Variants in WDR72 observed in about 807,000 individuals in gnomAD.
WDR72 encodes the protein WD repeat-containing protein 72.
In WDR72, 120 loss-of-function variants were observed where a neutral mutation model predicts 124.2. The ratio of observed to expected loss-of-function variants is 0.97; its 90% CI spans 0.83 to 1.12. The LOEUF is 1.12. WDR72 is among the 50% of genes most tolerant of loss of function. The pLI, the probability that WDR72 is intolerant of heterozygous loss-of-function variation, is 0.00. For synonymous variants in WDR72, 452 were observed against 441.7 expected, an observed-to-expected ratio of 1.02 and a Z score of -0.29; for missense variants, 1,387 against 1,278.8, an observed-to-expected ratio of 1.08 and a Z score of -1.29.
At chr15:53,669,278 A>C (rs1360537874) in intron 13 of WDR72, among the ~76,000 whole-genome samples, 5 of 151,982 alleles carry the variant, frequency 3.3e-5, no homozygotes, top group Non-Finnish European at 7.4e-5. Flanking sequence ...CCGCGAGGGA[A>C]TATTTCTGGA....
chr15:53,712,131 A>G (rs115549967), intron 7 of WDR72, among the ~76,000 whole-genome samples: 1 of 152,202 alleles, frequency 6.6e-6, no homozygotes. Flanking sequence ...TGAAATGTAA[A>G]CACCAAATTT....
intron 14 of WDR72, among the ~76,000 whole-genome samples, chr15:53,662,200 T>G (rs2015631581): frequency 6.6e-6 from 1 of 152,198 alleles, no homozygotes; most frequent in African/African-American, 2.4e-5. Flanking sequence ...TTCCCCATCA[T>G]GAATATGATA....
At position 53,682,404 on chromosome 15, in the gene WDR72, T is replaced by C. The variant is rs78049578; in HGVS notation, c.1766-16636A>G. On this transcript the variant is annotated intron_variant, in intron 13 of 19. Coordinates refer to ENST00000360509, the MANE Select transcript of WDR72 (RefSeq NM_182758.4). Reference sequence around the variant, plus strand: ...TGTCTCTACATTGAAATAAAATATATATATACAACGAGACTTACATGCCTC... The same window carrying C: ...TGTCTCTACATTGAAATAAAATATACATATACAACGAGACTTACATGCCTC... 5.5e-3 allele frequency among the ~76,000 whole-genome samples: 840 copies of C among 152,298 alleles called. 7 individuals carry two copies. The highest frequency in any genetic ancestry group is 9.1e-3 in the Non-Finnish European group (619 of 68,020).
chr15:53,590,110 T>G (rs1377956069), intron 18 of WDR72, among the ~76,000 whole-genome samples: 1 of 152,062 alleles, frequency 6.6e-6, no homozygotes, highest in African/African-American at 2.4e-5. Context: ...CAAATTTGTC[T>G]TTAACACATG....
At chr15:53,559,222 GTTT>G (rs1452990885) in intron 18 of WDR72, among the ~76,000 whole-genome samples, 12 of 151,590 alleles carry the variant, frequency 7.9e-5, no homozygotes, top group Non-Finnish European at 1.5e-5. Flanking sequence ...AGTAGCCTTG[GTTT>G]CTTTTAGCCA....
At chr15:53,707,912 G>T (rs1436891725) in intron 9 of WDR72, among the ~76,000 whole-genome samples, 2 of 152,166 alleles carry the variant, frequency 1.3e-5, no homozygotes, top group Non-Finnish European at 2.9e-5. Context: ...ATTCTGATTT[G>T]AAAAGGAAGC....
At chr15:53,586,861 T>C (rs535871698) in intron 18 of WDR72, among the ~76,000 whole-genome samples, 2 of 152,178 alleles carry the variant, frequency 1.3e-5, no homozygotes, top group East Asian at 1.9e-4. Context: ...AAGGAACTTC[T>C]TGAGTTAGTG....
chr15:53,543,282 AT>A, intron 18 of WDR72, among the ~76,000 whole-genome samples: 1 of 151,150 alleles, frequency 6.6e-6, no homozygotes, highest in South Asian at 2.1e-4. Flanking sequence ...AACAGAGATT[AT>A]AACAAACTAT....
chr15:53,578,268 T>C (rs1258822400), intron 18 of WDR72, among the ~76,000 whole-genome samples: 2 of 152,010 alleles, frequency 1.3e-5, no homozygotes, highest in Non-Finnish European at 2.9e-5. Context: ...GGGTGGTCAG[T>C]GGTGTGACAG....
At chr15:53,666,489 T>A (rs773886657) in intron 13 of WDR72, among the ~76,000 whole-genome samples, 4 of 152,158 alleles carry the variant, frequency 2.6e-5, no homozygotes, top group African/African-American at 4.8e-5. Context: ...TAAAATACAA[T>A]GCCATACACT....
chr15:53,598,106 C>T (rs2012863219), intron 17 of WDR72, among the ~76,000 whole-genome samples: 1 of 152,048 alleles, frequency 6.6e-6, no homozygotes, highest in Admixed American at 6.6e-5. Flanking sequence ...TTAGGTACAG[C>T]CCAAGGAAGG....
intron 14 of WDR72, among the ~76,000 whole-genome samples, chr15:53,663,123 T>C (rs2015662795): frequency 6.8e-6 from 1 of 146,746 alleles, no homozygotes; most frequent in Non-Finnish European, 1.5e-5. Flanking sequence ...AATAAAACAA[T>C]CTCAACAGCC....
At chr15:53,522,406 C>T (rs1218705847) in intron 19 of WDR72, among the ~76,000 whole-genome samples, 3 of 151,904 alleles carry the variant, frequency 2.0e-5, no homozygotes, top group African/African-American at 7.3e-5. Flanking sequence ...ACAGGAATCA[C>T]AAATATTAAG....
intron 14 of WDR72, among the ~76,000 whole-genome samples, chr15:53,641,018 C>T (rs2014829564): frequency 1.3e-5 from 2 of 150,794 alleles, no homozygotes; most frequent in African/African-American, 2.4e-5. Context: ...TCATTTTTTT[C>T]TGAAATTTTG....
Position 53,699,913 on chromosome 15 carries a change from G to A in WDR72, c.1602C>T (p.Cys534=), listed in dbSNP as rs765414382. The A allele has an allele frequency of 9.9e-6, 16 of 1,613,970 alleles. No homozygotes were observed. The highest frequency in any genetic ancestry group is 2.2e-5 in the East Asian group (1 of 44,888). ...GAAGGAGAGCCACGGAATGGTCACC[G>A]CACACACAGCAAATTATCTGCTCAC... The part of the protein sequence containing the change: ...LRGEQIICCV[C]GDHSVALLHL... Residue 534 remains cysteine, a synonymous_variant, in exon 13 of 20, where the codon TGC becomes TGT. Transcript: ENST00000360509.
At chr15:53,601,166 G>A (rs954620652) in intron 17 of WDR72, among the ~76,000 whole-genome samples, 4 of 152,010 alleles carry the variant, frequency 2.6e-5, no homozygotes, top group Admixed American at 2.6e-4. Flanking sequence ...GCCTCTTAGT[G>A]GAAACCCTGC....
chr15:53,589,069 G>T (rs2012363204), intron 18 of WDR72, among the ~76,000 whole-genome samples: 1 of 151,868 alleles, frequency 6.6e-6, no homozygotes, highest in South Asian at 2.1e-4. Context: ...TAAGGAGTGA[G>T]GTAAGTTTCA....
intron 1 of WDR72, among the ~76,000 whole-genome samples, chr15:53,758,677 A>G (rs1436852359): frequency 6.8e-6 from 1 of 147,036 alleles, no homozygotes; most frequent in Non-Finnish European, 1.5e-5. Context: ...GACAATGGGA[A>G]GGGGTGGAGG....
intron 1 of WDR72, chr15:53,756,666 C>G (rs2018915797): frequency 6.6e-6 from 1 of 152,162 alleles, no homozygotes; most frequent in African/African-American, 2.4e-5. Flanking sequence ...CTACCACTTA[C>G]TGACTATATG....
Sources: gnomAD v4.1 joint callset for allele counts (sites outside exome capture counted in the v4.1 genomes callset) on GRCh38, gnomAD v4.1.1 for gene constraint, MANE v1.5 for transcripts, NCBI Gene and HGNC (gene_info 2026-07-23, HGNC 2026-07-21) for gene names.